KCTD19: variants seen among roughly 807,000 people sequenced by gnomAD.
The protein encoded by KCTD19 is potassium channel tetramerization domain containing 19.
KCTD19 carries 67 observed loss-of-function variants against 103.5 expected under a neutral mutation model. That is an observed-to-expected ratio of 0.65 (90% confidence interval 0.53 to 0.79). KCTD19 has a LOEUF of 0.79. Ranked by LOEUF, KCTD19 falls within the 30% of genes least tolerant of loss-of-function variation. The pLI, the probability that KCTD19 is intolerant of heterozygous loss-of-function variation, is 0.00. For missense variants in KCTD19, 980 were observed against 1,136.1 expected, an observed-to-expected ratio of 0.86 and a Z score of 1.98; for synonymous variants, 439 against 452.2, an observed-to-expected ratio of 0.97 and a Z score of 0.37.
At chr16:67,308,170 CTT>C (rs554751590) in intron 2 of KCTD19, among the ~76,000 whole-genome samples, 63 of 134,440 alleles carry the variant, frequency 4.7e-4, no homozygotes, top group Non-Finnish European at 5.0e-4. Context: ...TCTTTCTTTT[CTT>C]TTTTTTTTTT....
intron 6 of KCTD19, among the ~76,000 whole-genome samples, chr16:67,298,704 T>C (rs1468386261): frequency 6.6e-6 from 1 of 152,236 alleles, no homozygotes; most frequent in Non-Finnish European, 1.5e-5. Flanking sequence ...CAGGGTCAGC[T>C]GACCCTCTCC....
At position 67,323,064 on chromosome 16, in the gene KCTD19, C is replaced by G. The variant is rs2037093326; in HGVS notation, c.4-2179G>C. On this transcript the variant is annotated intron_variant, in intron 1 of 15. Transcript: ENST00000304372. This position sits in a 1 kb window ranked among gnomAD's most constrained non-coding sequence, Gnocchi z 4.1. ...GAAAACAATAGGTAATAACAAGTGTCGACAAAGAAACCAGAACCCCCATGC... is the reference window on the plus strand; with the variant it reads ...GAAAACAATAGGTAATAACAAGTGTGGACAAAGAAACCAGAACCCCCATGC... Among the ~76,000 whole-genome samples the G allele has an allele frequency of 6.6e-6, 1 of 152,200 alleles. No individual in the cohort carries two copies. The highest frequency in any genetic ancestry group is 2.1e-4 in the South Asian group (1 of 4,812).
In KCTD19 at chr16:67,303,411, AC is replaced by A; in HGVS notation, c.452-75del. ...TCTGATTCCAGCAGGGCTTTCACTG[AC>A]CCAGGGGCCCCAGAGGATGCTAGAG... On this transcript the variant is annotated intron_variant, in intron 3 of 15. Coordinates refer to ENST00000304372, the MANE Select transcript of KCTD19 (RefSeq NM_001100915.3). This position sits in a 1 kb window ranked among gnomAD's most constrained non-coding sequence, Gnocchi z 4.3. The A allele has an allele frequency of 7.4e-7, 1 of 1,343,628 alleles. No homozygotes were observed. Among genetic ancestry groups the A allele is most frequent in the Non-Finnish European group, 1.0e-6 (1 of 980,576 alleles). The allele number at this position is 1,343,628 out of a possible 1,614,324, so 83.2% of individuals were successfully genotyped here.
intron 8 of KCTD19, 95 bp downstream of exon 8, chr16:67,296,064 A>G (rs943428561): frequency 1.7e-5 from 13 of 787,594 alleles, no homozygotes; most frequent in Admixed American, 8.9e-5. Context: ...GTTCTAAGCA[A>G]GTGCTGGAAG....
At chr16:67,304,337 C>T (rs2142510588) in intron 3 of KCTD19, 84 bp downstream of exon 3, 2 of 1,369,802 alleles carry the variant, frequency 1.5e-6, no homozygotes. Context: ...ACTCTCTGCT[C>T]TCTGGATGGA....
chr16:67,321,105 G>A (rs968674144), intron 1 of KCTD19, among the ~76,000 whole-genome samples: 4 of 152,080 alleles, frequency 2.6e-5, no homozygotes, highest in Non-Finnish European at 4.4e-5. Context: ...GTGGGAAGGT[G>A]GCTTGAGACC....
rs759631982 is a variant in KCTD19 at position 67,293,540 on chromosome 16, T to G, written c.2218+4A>C. On this transcript the variant is annotated splice_donor_region_variant and intron_variant, in intron 12 of 15. Transcript: ENST00000304372. This position sits in a 1 kb window ranked among gnomAD's most constrained non-coding sequence, Gnocchi z 4.0. Reference sequence around the variant, plus strand: ...GACTTAGATCAAAGGGGGACAGGACTCACCTCTCTCCTTGGTCCTCTGCTT... The same window carrying G: ...GACTTAGATCAAAGGGGGACAGGACGCACCTCTCTCCTTGGTCCTCTGCTT... 35 of 1,612,564 alleles carry G rather than the reference T, an allele frequency of 2.2e-5. No homozygotes were observed. In the South Asian group the frequency reaches 3.6e-4, roughly 17 times the overall value.
At chr16:67,304,663 C>G (rs928374029) in intron 2 of KCTD19, 92 bp from the exon 3 acceptor site, 1 of 1,158,770 alleles carries the variant, frequency 8.6e-7, no homozygotes, top group African/African-American at 1.6e-5. Flanking sequence ...CAGTATGTGA[C>G]TTACTTTTTT....
chr16:67,298,697 G>A (rs140291885), intron 6 of KCTD19, among the ~76,000 whole-genome samples: 1 of 152,282 alleles, frequency 6.6e-6, no homozygotes, highest in Non-Finnish European at 1.5e-5. Context: ...CAGCATTCAG[G>A]GTCAGCTGAC....
At chr16:67,291,216 T>C in intron 14 of KCTD19, 93 bp downstream of exon 14, 2 of 1,472,292 alleles carry the variant, frequency 1.4e-6, no homozygotes, top group South Asian at 1.3e-5. Context: ...CATCTTGGCT[T>C]ACTTCCTCTT....
chr16:67,303,108 C>CGGGGGGGGGGGGGGGGGGGCGGGCTG lies in KCTD19; in HGVS notation c.643+37_643+38insCAGCCCGCCCCCCCCCCCCCCCCCCC. The stretch of plus-strand genomic sequence containing the variant: ...ATGGGGAGGGGTGAATGGGCCCTAT[C>CGGGGGGGGGGGGGGGGGGGCGGGCTG]AGCCCGCCCCCCACCCCACCCCGGA... On this transcript the variant is annotated intron_variant, in intron 4 of 15. Transcript: ENST00000304372. This position sits in a 1 kb window ranked among gnomAD's most constrained non-coding sequence, Gnocchi z 4.3. The CGGGGGGGGGGGGGGGGGGGCGGGCTG allele has an allele frequency of 1.3e-6, 1 of 798,078 alleles. No homozygotes were observed. The highest frequency in any genetic ancestry group is 2.1e-6 in the Non-Finnish European group (1 of 476,660). 49.4% of individuals were successfully genotyped at this position (798,078 alleles called of 1,614,324 possible). A position where few individuals can be genotyped will look rare whatever the true frequency, so the allele number is the denominator to read the frequency against.
intron 2 of KCTD19, among the ~76,000 whole-genome samples, chr16:67,309,904 G>A (rs1453982544): frequency 1.3e-5 from 2 of 152,204 alleles, no homozygotes; most frequent in Non-Finnish European, 2.9e-5. Flanking sequence ...AGCATGTAAA[G>A]TGTTAGCAGC....
chr16:67,312,945 A>C (rs1178577702), intron 2 of KCTD19, among the ~76,000 whole-genome samples: 1 of 152,204 alleles, frequency 6.6e-6, no homozygotes, highest in African/African-American at 2.4e-5. Flanking sequence ...TTTTCTATAA[A>C]AGGCCTGACA....
Position 67,294,024 on chromosome 16 carries a change from TG to T in KCTD19, c.1737del (p.Lys580ArgfsTer60). ...TATGTGCTAGGGTTGCCAGCCCTCT[TG>T]GCATTTCGGCATAGGGACACCTGGA... Reference protein sequence around the residue: ...RPIQVSLCRNAKRAGNPSTYS... With the variant: ...RPIQVSLCRNXKRAGNPSTYS... On this transcript the variant is annotated frameshift_variant, in exon 12 of 16. Coordinates refer to ENST00000304372, the MANE Select transcript of KCTD19 (RefSeq NM_001100915.3). LOFTEE classifies it high-confidence loss of function. 1 of 1,614,198 alleles carries T rather than the reference TG, an allele frequency of 6.2e-7. No individual in the cohort carries two copies. The highest frequency in any genetic ancestry group is 8.5e-7 in the Non-Finnish European group (1 of 1,180,034).
At chr16:67,315,294 A>G (rs1319400225) in intron 2 of KCTD19, among the ~76,000 whole-genome samples, 3 of 150,766 alleles carry the variant, frequency 2.0e-5, no homozygotes. Flanking sequence ...TCAGGGTATT[A>G]GCGTTTAACT....
At chr16:67,314,830 T>TAGAGAGAGAGAG (rs71145965) in intron 2 of KCTD19, among the ~76,000 whole-genome samples, 2 of 33,646 alleles carry the variant, frequency 5.9e-5, no homozygotes, top group African/African-American at 2.1e-4. Context: ...TATATATATA[T>TAGAGAGAGAGAG]AGAGAGAGAG....
intron 7 of KCTD19, among the ~76,000 whole-genome samples, chr16:67,297,135 G>A (rs1460765017): frequency 6.6e-6 from 1 of 152,148 alleles, no homozygotes; most frequent in Middle Eastern, 3.2e-3. Context: ...TTTCTTCTCT[G>A]AACCTATTTT....
At chr16:67,294,905 G>A (rs2036747029) in intron 10 of KCTD19, 68 bp downstream of exon 10, 1 of 1,281,548 alleles carries the variant, frequency 7.8e-7, no homozygotes, top group African/African-American at 1.5e-5. Context: ...GTAGGACTTA[G>A]GACAGGATTT....
chr16:67,314,832 G>T (rs376155393), intron 2 of KCTD19, among the ~76,000 whole-genome samples: 1,179 of 90,384 alleles, frequency 0.013, 4 homozygotes, highest in African/African-American at 0.031. Context: ...TATATATATA[G>T]AGAGAGAGAG....
Sources: allele counts gnomAD v4.1 joint callset (sites outside exome capture counted in the v4.1 genomes callset), GRCh38; gene constraint gnomAD v4.1.1; non-coding constraint Gnocchi (gnomAD v3.1); transcripts MANE v1.5; gene names NCBI Gene and HGNC (gene_info 2026-07-23, HGNC 2026-07-21).